Variants in SLC39A11 observed in about 807,000 individuals in gnomAD.
The protein encoded by SLC39A11 is solute carrier family 39 member 11, also known as zinc transporter ZIP11.
Under a neutral mutation model 36.1 loss-of-function variants are expected in SLC39A11, and 33 were observed. That is an observed-to-expected ratio of 0.91 (90% CI 0.69 to 1.22). The LOEUF is 1.22. Ranked by LOEUF, SLC39A11 falls within the 50% of genes most tolerant of loss-of-function variation. SLC39A11 has a pLI of 0.00. For synonymous variants in SLC39A11, 166 were observed against 170.3 expected (o/e 0.97, Z 0.20); for missense variants, 432 against 430.3 (o/e 1.00, Z -0.03).
At chr17:72,807,155 CCTCT>C (rs1469904282) in intron 6 of SLC39A11, among the ~76,000 whole-genome samples, 1 of 152,098 alleles carries the variant, frequency 6.6e-6, no homozygotes, top group Non-Finnish European at 1.5e-5. Context: ...TCTTCTTCTC[CCTCT>C]GAGGATATTC....
rs915031674 is a variant in SLC39A11, at chr17:72,860,917, G to T, written c.431-11113C>A. Among the ~76,000 whole-genome samples, 5 of 152,280 alleles carry T rather than the reference G, an allele frequency of 3.3e-5. No homozygotes were observed. The South Asian group carries it at 8.3e-4, about 25-fold the overall frequency. On this transcript the variant is annotated intron_variant, in intron 5 of 9. Transcript: ENST00000255559. ...CAGTTTATGCACTTGCCAAACGAGGGTAATAGTATTACCCACTCTACAGGA... is the reference window on the plus strand; with the variant it reads ...CAGTTTATGCACTTGCCAAACGAGGTTAATAGTATTACCCACTCTACAGGA...
intron 6 of SLC39A11, among the ~76,000 whole-genome samples, chr17:72,777,869 A>ATATGTATGTATG (rs71154917): frequency 0.013 from 1,935 of 150,054 alleles, 19 homozygotes; most frequent in East Asian, 0.04. Flanking sequence ...ATGTATGTAT[A>ATATGTATGTATG]TATGTATGTA....
chr17:72,719,665 C>T (rs561201147), intron 7 of SLC39A11, among the ~76,000 whole-genome samples: 6 of 152,304 alleles, frequency 3.9e-5, no homozygotes, highest in Admixed American at 2.6e-4. Context: ...CCGGGAAAGC[C>T]GCAAGGAAAC....
chr17:73,050,513 G>C (rs904441750), intron 3 of SLC39A11, among the ~76,000 whole-genome samples: 2 of 149,244 alleles, frequency 1.3e-5, no homozygotes, highest in Admixed American at 6.7e-5. Context: ...GCCCAGGCTG[G>C]AGTGCAGTGG....
intron 7 of SLC39A11, among the ~76,000 whole-genome samples, chr17:72,691,941 G>C (rs748327048): frequency 3.3e-5 from 5 of 151,994 alleles, no homozygotes; most frequent in Admixed American, 2.6e-4. Context: ...AACGGGACTC[G>C]CCTGCTGAAC....
intron 7 of SLC39A11, among the ~76,000 whole-genome samples, chr17:72,701,052 G>A (rs771002991): frequency 2.6e-5 from 4 of 152,232 alleles, no homozygotes; most frequent in African/African-American, 7.2e-5. Flanking sequence ...GCTCCACCAA[G>A]CTCAGATGGG....
At chr17:73,001,269 A>G (rs2089804980) in intron 4 of SLC39A11, among the ~76,000 whole-genome samples, 1 of 151,722 alleles carries the variant, frequency 6.6e-6, no homozygotes, top group Non-Finnish European at 1.5e-5. Flanking sequence ...TTAGTTAGCC[A>G]TTTGTTGTGT....
chr17:72,919,429 T>C (rs2083512594), intron 5 of SLC39A11, among the ~76,000 whole-genome samples: 2 of 151,314 alleles, frequency 1.3e-5, no homozygotes, highest in South Asian at 2.1e-4. Flanking sequence ...ATGAATAGCG[T>C]AGAGGGGCTT....
intron 6 of SLC39A11, among the ~76,000 whole-genome samples, chr17:72,827,521 A>G (rs926306991): frequency 4.6e-5 from 7 of 152,244 alleles, no homozygotes; most frequent in Non-Finnish European, 1.0e-4. Context: ...TAAAGCTGTT[A>G]TTAAAAGAAA....
chr17:72,861,805 A>C, intron 5 of SLC39A11, among the ~76,000 whole-genome samples: 1 of 131,480 alleles, frequency 7.6e-6, no homozygotes, highest in African/African-American at 2.8e-5. Flanking sequence ...TCATTAAGCC[A>C]TTATATTTCT....
chr17:72,771,213 C>T (rs1023203582), intron 6 of SLC39A11, among the ~76,000 whole-genome samples: 9 of 152,002 alleles, frequency 5.9e-5, no homozygotes, highest in South Asian at 2.1e-4. Context: ...GGCAAGACCC[C>T]GTGTCTACTA....
At chr17:73,075,387 T>G (rs891887684) in intron 3 of SLC39A11, among the ~76,000 whole-genome samples, 1 of 152,212 alleles carries the variant, frequency 6.6e-6, no homozygotes, top group African/African-American at 2.4e-5. Context: ...TGACATCTTA[T>G]CTGGGTTTCA....
intron 4 of SLC39A11, among the ~76,000 whole-genome samples, chr17:73,018,939 G>A (rs886404149): frequency 6.6e-6 from 1 of 152,028 alleles, no homozygotes; most frequent in African/African-American, 2.4e-5. Flanking sequence ...AGTCTTAGGA[G>A]CAGCCATAGA....
chr17:72,729,175 G>A (rs2074051550), intron 7 of SLC39A11, among the ~76,000 whole-genome samples: 1 of 151,640 alleles, frequency 6.6e-6, no homozygotes, highest in Non-Finnish European at 1.5e-5. Flanking sequence ...ACCCACCATA[G>A]TTGCCAACTT....
At chr17:72,938,576 G>A (rs2084912645) in intron 5 of SLC39A11, among the ~76,000 whole-genome samples, 1 of 152,118 alleles carries the variant, frequency 6.6e-6, no homozygotes, top group Non-Finnish European at 1.5e-5. Flanking sequence ...TCCCCAGAAG[G>A]AGCTTCTGCA....
Position 72,947,845 on chromosome 17 carries a change from C to G in SLC39A11, c.337G>C (p.Ala113Pro). The G allele has an allele frequency of 6.2e-7, 1 of 1,614,108 alleles. No homozygotes were observed. The part of the protein sequence containing the change: ...GAAEDPQTTL[A>P]LNFGSTLMKK... ...ATCAACGTAGAGCCGAAGTTCAGTG[C>G]CAGGGTCGTCTGGGGGTCTTCTGCT... Residue 113 changes from alanine (A) to proline (P), a missense_variant, in exon 5 of 10, where the codon GCA (alanine) becomes CCA (proline). Physicochemically the swap from Ala to Pro is conservative, Grantham distance 27. Transcript: ENST00000255559.
At chr17:72,903,637 G>C (rs563889815) in intron 5 of SLC39A11, among the ~76,000 whole-genome samples, 2 of 152,178 alleles carry the variant, frequency 1.3e-5, no homozygotes, top group Non-Finnish European at 2.9e-5. Context: ...ATGAGCACCA[G>C]GTCATTTATC....
chr17:73,075,184 C>A (rs923079980), intron 3 of SLC39A11, among the ~76,000 whole-genome samples: 7 of 152,218 alleles, frequency 4.6e-5, no homozygotes, highest in African/African-American at 1.4e-4. Flanking sequence ...TAAAATCCAA[C>A]TGAAACACTT....
chr17:72,650,943 A>T (rs2069823869), intron 7 of SLC39A11, among the ~76,000 whole-genome samples: 1 of 152,142 alleles, frequency 6.6e-6, no homozygotes, highest in Admixed American at 6.5e-5. Flanking sequence ...ACCAAGGCGA[A>T]TCCCCAGTTT....
Sources: allele counts gnomAD v4.1 joint callset (sites outside exome capture counted in the v4.1 genomes callset), GRCh38; gene constraint gnomAD v4.1.1; transcripts MANE v1.5; gene names NCBI Gene and HGNC (gene_info 2026-07-23, HGNC 2026-07-21).